MAGI2: variants seen among roughly 807,000 people sequenced by gnomAD.
The protein encoded by MAGI2 is membrane-associated guanylate kinase, WW and PDZ domain-containing protein 2.
Under a neutral mutation model 133.3 loss-of-function variants are expected in MAGI2, and 35 were observed. The observed-to-expected ratio is 0.26, with a 90% CI of 0.20 to 0.35. The LOEUF (loss-of-function observed/expected upper bound fraction) is 0.35, where lower values mean the gene tolerates loss of function less well. Ranked by LOEUF, MAGI2 falls within the 10% of genes least tolerant of loss-of-function variation. The probability of loss-of-function intolerance (pLI) is 1.00; values close to 1 mark genes in which losing one functional copy is unlikely to be tolerated. For missense variants in MAGI2, 1,636 were observed against 1,863.4 expected (o/e 0.88, Z 2.25); for synonymous variants, 729 against 710.6 (o/e 1.03, Z -0.41).
At chr7:78,356,234 G>A (rs1484834406) in intron 7 of MAGI2, among the ~76,000 whole-genome samples, 1 of 152,114 alleles carries the variant, frequency 6.6e-6, no homozygotes, top group East Asian at 1.9e-4. Context: ...GGAGAATGGA[G>A]GTAGTCAACA....
intron 2 of MAGI2, among the ~76,000 whole-genome samples, chr7:78,649,590 TTC>T (rs950389934): frequency 1.3e-5 from 2 of 152,200 alleles, no homozygotes; most frequent in South Asian, 2.1e-4. Flanking sequence ...TAAAACTATT[TTC>T]TTTGTGACTA....
rs371691083 is a variant in MAGI2 at position 78,408,295 on chromosome 7, C to CACTT, written c.1046-39083_1046-39082insAAGT. On this transcript the variant is annotated intron_variant, in intron 6 of 21. Coordinates refer to ENST00000354212, the MANE Select transcript of MAGI2 (RefSeq NM_012301.4). ...TACTTCTCATTTTTTACGGTAAGAA[C>CACTT]AAAGATCTGTCAGCAATTTTTAAGA... 9.4e-4 allele frequency among the ~76,000 whole-genome samples: 143 copies of CACTT among 152,058 alleles called. 1 individual carries two copies. Among genetic ancestry groups the CACTT allele is most frequent in the African/African-American group, 3.1e-3 (128 of 41,510 alleles).
In MAGI2 at chr7:78,192,845, GGCA is replaced by G. The variant is rs199591039; in HGVS notation, c.2269+2026_2269+2028del. ...TGAAAGCAGGAAGGGGTTGTGATGA[GGCA>G]GCAGCAGCAGCGGCACAGGGAGAGC... is the stretch of plus-strand genomic sequence containing the variant. On this transcript the variant is annotated intron_variant, in intron 12 of 21. Coordinates refer to ENST00000354212, the MANE Select transcript of MAGI2 (RefSeq NM_012301.4). 3.5e-3 allele frequency among the ~76,000 whole-genome samples: 534 copies of G among 152,256 alleles called. 1 individual carries two copies. Among genetic ancestry groups the G allele is most frequent in the African/African-American group, 0.012 (510 of 41,546 alleles).
intron 2 of MAGI2, among the ~76,000 whole-genome samples, chr7:78,879,040 T>C (rs1795644949): frequency 1.3e-5 from 2 of 152,144 alleles, no homozygotes; most frequent in Middle Eastern, 3.2e-3. Flanking sequence ...ATTTGAAGCA[T>C]CCACTCTCCT....
chr7:79,235,343 C>T (rs1447980717), intron 1 of MAGI2, among the ~76,000 whole-genome samples: 6 of 152,176 alleles, frequency 3.9e-5, no homozygotes, highest in African/African-American at 1.4e-4. Flanking sequence ...TTCCCGGCTG[C>T]TTTGTTTACC....
intron 3 of MAGI2, among the ~76,000 whole-genome samples, chr7:78,609,741 G>C (rs1806236808): frequency 6.6e-6 from 1 of 152,154 alleles, no homozygotes; most frequent in African/African-American, 2.4e-5. Flanking sequence ...CACAGAGCAA[G>C]GTAATACTAA....
intron 20 of MAGI2, among the ~76,000 whole-genome samples, chr7:78,110,939 T>G (rs1189157206): frequency 6.6e-6 from 1 of 152,206 alleles, no homozygotes; most frequent in Non-Finnish European, 1.5e-5. Flanking sequence ...CGCTCTGCCA[T>G]GCAAACCAAA....
At chr7:79,236,344 G>A (rs1465020978) in intron 1 of MAGI2, among the ~76,000 whole-genome samples, 2 of 152,220 alleles carry the variant, frequency 1.3e-5, no homozygotes. Flanking sequence ...AGACCAGTTA[G>A]CCTGGGGTTC....
chr7:78,889,201 C>T (rs1796529248), intron 2 of MAGI2, among the ~76,000 whole-genome samples: 1 of 152,014 alleles, frequency 6.6e-6, no homozygotes, highest in South Asian at 2.1e-4. Flanking sequence ...AAGAAATGAA[C>T]AAAGCCTCCA....
intron 11 of MAGI2, among the ~76,000 whole-genome samples, chr7:78,197,426 C>T (rs995373092): frequency 1.3e-5 from 2 of 152,200 alleles, no homozygotes; most frequent in Non-Finnish European, 2.9e-5. Context: ...TTTCTTTCTC[C>T]CATATTCCAT....
chr7:79,447,311 A>C (rs185906729), intron 1 of MAGI2, among the ~76,000 whole-genome samples: 3 of 152,282 alleles, frequency 2.0e-5, no homozygotes, highest in Admixed American at 2.0e-4. Flanking sequence ...ACTTTTATTA[A>C]AGGAAATATA....
At chr7:78,026,035 G>C (rs993105911) in intron 21 of MAGI2, 1 of 152,540 alleles carries the variant, frequency 6.6e-6, no homozygotes, top group African/African-American at 2.4e-5. Context: ...GGAGAAGCAA[G>C]CCCCTCTCCT....
intron 1 of MAGI2, among the ~76,000 whole-genome samples, chr7:79,225,511 A>G (rs773908189): frequency 6.6e-6 from 1 of 152,212 alleles, no homozygotes; most frequent in Non-Finnish European, 1.5e-5. Context: ...TACAAGCAAA[A>G]TTATTGCATG....
intron 2 of MAGI2, among the ~76,000 whole-genome samples, chr7:78,646,974 A>G (rs1331206793): frequency 6.6e-6 from 1 of 152,250 alleles, no homozygotes; most frequent in African/African-American, 2.4e-5. Context: ...TTGAATATAA[A>G]TTACTATAAC....
chr7:78,331,138 C>A lies in MAGI2; in HGVS notation c.1408+12640G>T, dbSNP rs139468707. Among the ~76,000 whole-genome samples, 85 of 152,274 alleles carry A rather than the reference C, an allele frequency of 5.6e-4. 1 individual carries two copies. The highest frequency in any genetic ancestry group is 1.9e-3 in the African/African-American group (81 of 41,566). On this transcript the variant is annotated intron_variant, in intron 9 of 21. Coordinates refer to ENST00000354212, the MANE Select transcript of MAGI2 (RefSeq NM_012301.4). ...AAAATCCAAATACTACATGTTCTCA[C>A]TTACAAGTGGAAGTTAAACATTGGG...
intron 6 of MAGI2, among the ~76,000 whole-genome samples, chr7:78,445,139 G>A (rs907011805): frequency 4.0e-5 from 6 of 151,752 alleles, no homozygotes; most frequent in Admixed American, 2.0e-4. Flanking sequence ...CAGACCTAAC[G>A]GCTCTAGCTT....
intron 6 of MAGI2, among the ~76,000 whole-genome samples, chr7:78,387,752 C>G (rs1030063293): frequency 6.6e-6 from 1 of 151,998 alleles, no homozygotes; most frequent in Non-Finnish European, 1.5e-5. Flanking sequence ...CATGGTGAAA[C>G]CCCATCTCTA....
intron 2 of MAGI2, among the ~76,000 whole-genome samples, chr7:78,891,875 C>T (rs1796789678): frequency 6.6e-6 from 1 of 152,076 alleles, no homozygotes; most frequent in African/African-American, 2.4e-5. Flanking sequence ...GAAGTTCTGG[C>T]CAGGGCAATC....
At chr7:78,569,156 T>G (rs544296575) in intron 3 of MAGI2, among the ~76,000 whole-genome samples, 1 of 151,488 alleles carries the variant, frequency 6.6e-6, no homozygotes, top group South Asian at 2.1e-4. Flanking sequence ...ACGTCACTAT[T>G]CCTTTGCTTT....
Sources: allele counts gnomAD v4.1 joint callset (sites outside exome capture counted in the v4.1 genomes callset), GRCh38; gene constraint gnomAD v4.1.1; transcripts MANE v1.5; gene names NCBI Gene and HGNC (gene_info 2026-07-23, HGNC 2026-07-21).